Variants in ASTN2 observed in about 807,000 individuals in gnomAD.
ASTN2 encodes astrotactin 2.
Under a neutral mutation model 139.8 loss-of-function variants are expected in ASTN2, and 54 were observed. That is an observed-to-expected ratio of 0.39 (90% CI 0.31 to 0.48). The LOEUF (loss-of-function observed/expected upper bound fraction) is 0.48, where lower values mean the gene tolerates loss of function less well. Among genes scored for constraint, ASTN2 ranks in the 20% least tolerant of loss-of-function variants. The probability of loss-of-function intolerance (pLI) is 0.95; values close to 1 mark genes in which losing one functional copy is unlikely to be tolerated. For synonymous variants in ASTN2, 756 were observed against 719.5 expected (o/e 1.05, Z -0.81); for missense variants, 1,565 against 1,725.1 (o/e 0.91, Z 1.64).
At chr9:116,435,697 TTC>T (rs1270679701) in intron 22 of ASTN2, among the ~76,000 whole-genome samples, 2 of 152,224 alleles carry the variant, frequency 1.3e-5, no homozygotes, top group African/African-American at 4.8e-5. Context: ...CTTAGAAACA[TTC>T]TTTCTTTTAC....
At chr9:117,262,531 G>A (rs186490726) in intron 2 of ASTN2, among the ~76,000 whole-genome samples, 1 of 151,994 alleles carries the variant, frequency 6.6e-6, no homozygotes, top group Admixed American at 6.6e-5. Context: ...TCTAGATCTG[G>A]CTGGCCTGAG....
At chr9:117,197,548 A>G (rs552909885) in intron 3 of ASTN2, 1 of 152,286 alleles carries the variant, frequency 6.6e-6, no homozygotes, top group East Asian at 1.9e-4. Context: ...AGATAACCCC[A>G]CTGACTCCAT....
chr9:117,178,994 T>C (rs942118293), intron 3 of ASTN2, among the ~76,000 whole-genome samples: 2 of 152,192 alleles, frequency 1.3e-5, no homozygotes, highest in African/African-American at 4.8e-5. Flanking sequence ...TTTGTAAACA[T>C]AGTAGATGAA....
intron 16 of ASTN2, among the ~76,000 whole-genome samples, chr9:116,659,948 C>T (rs1858454945): frequency 6.6e-6 from 1 of 152,148 alleles, no homozygotes; most frequent in South Asian, 2.1e-4. Flanking sequence ...GACCCAAGCC[C>T]AGAGTTATGT....
chr9:116,427,841 C>G (rs6478236), intron 22 of ASTN2, among the ~76,000 whole-genome samples: 5,772 of 152,332 alleles, frequency 0.038, 362 homozygotes, highest in African/African-American at 0.13. Context: ...GTGCCCCCCC[C>G]AAGAGGAGCC....
At chr9:116,979,285 CA>C (rs1199254624) in intron 7 of ASTN2, among the ~76,000 whole-genome samples, 1 of 152,050 alleles carries the variant, frequency 6.6e-6, no homozygotes, top group Non-Finnish European at 1.5e-5. Context: ...CAAGGAGAGA[CA>C]GAAGACATGT....
At chr9:117,221,856 A>C (rs1459281315) in intron 2 of ASTN2, among the ~76,000 whole-genome samples, 1 of 151,734 alleles carries the variant, frequency 6.6e-6, no homozygotes, top group Non-Finnish European at 1.5e-5. Context: ...AGAAAAAAAA[A>C]AAAGAAAAAG....
At chr9:117,173,324 T>C (rs544878198) in intron 3 of ASTN2, among the ~76,000 whole-genome samples, 1 of 152,126 alleles carries the variant, frequency 6.6e-6, no homozygotes, top group Non-Finnish European at 1.5e-5. Context: ...AAAGCAACCG[T>C]AACTACAAAA....
At position 117,191,996 on chromosome 9, in the gene ASTN2, C is replaced by T. The variant is rs550456187; in HGVS notation, c.1015+22362G>A. On this transcript the variant is annotated intron_variant, in intron 3 of 22. Transcript: ENST00000313400. ...GTTCAGAGCATGCCCGTTTGTTTTG[C>T]TATCATGGCAATTAATGCTGGGAAG... Among the ~76,000 whole-genome samples the T allele has an allele frequency of 7.2e-5, 11 of 152,242 alleles. No homozygotes were observed. The East Asian group carries it at 2.1e-3, about 29-fold the overall frequency.
intron 10 of ASTN2, among the ~76,000 whole-genome samples, chr9:116,940,958 T>C (rs757435665): frequency 1.3e-5 from 2 of 152,228 alleles, no homozygotes; most frequent in Non-Finnish European, 2.9e-5. Flanking sequence ...TTGTGTTAAG[T>C]TGCCTACAGT....
Position 116,426,094 on chromosome 9 carries a change from A to G in ASTN2, c.3783-6T>C, listed in dbSNP as rs1164216985. On this transcript the variant is annotated splice_region_variant and splice_polypyrimidine_tract_variant and intron_variant, in intron 22 of 22. Coordinates refer to ENST00000313400, the MANE Select transcript of ASTN2 (RefSeq NM_001365068.1). ...GTAGAATCAGGTGGGCCTTCCTGAA[A>G]GGTAGGATGAGACAGCCATGATTAA... 1 of 1,611,746 alleles carries G rather than the reference A, an allele frequency of 6.2e-7. No homozygotes were observed. The highest frequency in any genetic ancestry group is 1.3e-5 in the African/African-American group (1 of 74,928).
At chr9:116,960,920 G>A (rs532149000) in intron 10 of ASTN2, among the ~76,000 whole-genome samples, 1 of 152,246 alleles carries the variant, frequency 6.6e-6, no homozygotes, top group East Asian at 1.9e-4. Context: ...AATCCAGCCA[G>A]ATCCATGTCA....
At chr9:117,095,950 A>G (rs1298279620) in intron 5 of ASTN2, 94 bp downstream of exon 5, 1 of 1,189,232 alleles carries the variant, frequency 8.4e-7, no homozygotes, top group African/African-American at 1.5e-5. Context: ...ACCAGGTTAG[A>G]GAAGATTTAG....
At chr9:116,775,462 A>G in intron 13 of ASTN2, among the ~76,000 whole-genome samples, 1 of 116,806 alleles carries the variant, frequency 8.6e-6, no homozygotes, top group African/African-American at 3.3e-5. Context: ...AGGAGAGGAG[A>G]GAGGGAGGCA....
chr9:117,300,223 C>T (rs758779438), intron 1 of ASTN2, among the ~76,000 whole-genome samples: 3 of 152,218 alleles, frequency 2.0e-5, no homozygotes, highest in Non-Finnish European at 4.4e-5. Context: ...GACTACTATC[C>T]TCACAGACTT....
At chr9:116,714,495 A>G (rs1269111746) in intron 16 of ASTN2, among the ~76,000 whole-genome samples, 3 of 152,242 alleles carry the variant, frequency 2.0e-5, no homozygotes, top group Non-Finnish European at 4.4e-5. Context: ...GTTATATGCC[A>G]GGTGCAGCAG....
intron 10 of ASTN2, among the ~76,000 whole-genome samples, chr9:116,895,128 G>A (rs1407719440): frequency 2.0e-5 from 3 of 152,160 alleles, no homozygotes; most frequent in Non-Finnish European, 4.4e-5. Context: ...AACTTTTTGA[G>A]TGCGACATGA....
chr9:117,355,170 A>G (rs1829504217), intron 1 of ASTN2, among the ~76,000 whole-genome samples: 1 of 152,168 alleles, frequency 6.6e-6, no homozygotes, highest in Admixed American at 6.5e-5. Context: ...GATCTAAGAG[A>G]GTCCCTGACA....
At position 117,226,207 on chromosome 9, in the gene ASTN2, A is replaced by G. The variant is rs80045199; in HGVS notation, c.631-11465T>C. ...ACTCTTGCCCAAAATGTGACAGAAG[A>G]CTGGATAATCAGCTAAACTGTGTAG... On this transcript the variant is annotated intron_variant, in intron 2 of 22. Transcript: ENST00000313400. 4.0e-3 allele frequency among the ~76,000 whole-genome samples: 615 copies of G among 152,308 alleles called. 3 individuals are homozygous for G. Among genetic ancestry groups the G allele is most frequent in the African/African-American group, 0.014 (592 of 41,562 alleles).
Sources: gnomAD v4.1 joint callset for allele counts (sites outside exome capture counted in the v4.1 genomes callset) on GRCh38, gnomAD v4.1.1 for gene constraint, MANE v1.5 for transcripts, NCBI Gene and HGNC (gene_info 2026-07-23, HGNC 2026-07-21) for gene names.